NELL1: variants seen among roughly 807,000 people sequenced by gnomAD.
NELL1 encodes protein kinase C-binding protein NELL1.
A neutral mutation model predicts 107.4 loss-of-function variants in NELL1; 76 were observed. The ratio of observed to expected loss-of-function variants is 0.71; its 90% CI spans 0.59 to 0.86. The LOEUF (loss-of-function observed/expected upper bound fraction) is 0.86. NELL1 is among the 40% of genes least tolerant of loss of function. The pLI, the probability that NELL1 is intolerant of heterozygous loss-of-function variation, is 0.00. For synonymous variants in NELL1, 353 were observed against 341.2 expected (o/e 1.03, Z -0.38); for missense variants, 1,024 against 1,005.5 (o/e 1.02, Z -0.25).
chr11:20,771,766 A>C (rs1856645766), intron 2 of NELL1, among the ~76,000 whole-genome samples: 1 of 152,110 alleles, frequency 6.6e-6, no homozygotes, highest in East Asian at 1.9e-4. Flanking sequence ...TCTGTGTGCC[A>C]CAACTGTCTT....
intron 13 of NELL1, among the ~76,000 whole-genome samples, chr11:21,144,203 T>C (rs557884249): frequency 6.6e-6 from 1 of 152,248 alleles, no homozygotes; most frequent in Non-Finnish European, 1.5e-5. Flanking sequence ...TGCAATGTTA[T>C]TGTCTGCAGG....
chr11:21,050,382 A>G (rs1459260025), intron 12 of NELL1, among the ~76,000 whole-genome samples: 3 of 152,240 alleles, frequency 2.0e-5, no homozygotes, highest in Admixed American at 1.3e-4. Flanking sequence ...CATAAATTAT[A>G]TAAATGTAAT....
chr11:21,518,222 C>T (rs763325184), intron 15 of NELL1, among the ~76,000 whole-genome samples: 7 of 148,932 alleles, frequency 4.7e-5, no homozygotes, highest in Non-Finnish European at 7.4e-5. Flanking sequence ...CTTTTTTTTT[C>T]CAAAATAACT....
Position 20,937,782 on chromosome 11 carries a change from A to G in NELL1, c.998-4A>G. 1.9e-6 allele frequency: 3 copies of G among 1,613,630 alleles called. No individual in the cohort carries two copies. The highest frequency in any genetic ancestry group is 8.5e-7 in the Non-Finnish European group (1 of 1,179,560). ...GTCTGACCCATTTTTATGTTTTATT[A>G]CAGCAAAATGTATCTATGGAGGAAA... On this transcript the variant is annotated splice_region_variant and splice_polypyrimidine_tract_variant and intron_variant, in intron 9 of 19. Transcript: ENST00000357134.
chr11:21,127,866 C>T (rs1855521873), intron 13 of NELL1, among the ~76,000 whole-genome samples: 1 of 152,150 alleles, frequency 6.6e-6, no homozygotes, highest in East Asian at 1.9e-4. Flanking sequence ...AAAATATTCT[C>T]TCATATGGAC....
intron 3 of NELL1, among the ~76,000 whole-genome samples, chr11:20,812,833 C>A (rs369907585): frequency 6.7e-6 from 1 of 150,370 alleles, no homozygotes; most frequent in South Asian, 2.1e-4. Context: ...ACGGTGAAAC[C>A]CCGTCTGTAC....
chr11:21,193,149 C>T (rs758175094), intron 13 of NELL1, among the ~76,000 whole-genome samples: 5 of 151,590 alleles, frequency 3.3e-5, no homozygotes, highest in South Asian at 2.1e-4. Context: ...TACTAATATG[C>T]GAAAATCCAA....
rs183983003 is a variant in NELL1, at chr11:21,140,788, G to A, written c.1426+27074G>A. Among the ~76,000 whole-genome samples the A allele has an allele frequency of 3.6e-4, 55 of 152,178 alleles. 1 individual carries two copies. The highest frequency in any genetic ancestry group is 1.4e-3 in the Admixed American group (21 of 15,284). ...AGGTTTTAAAGTTAGGAAATTAATC[G>A]TCATCTAGCTGTCATCCTTATTTTA... On this transcript the variant is annotated intron_variant, in intron 13 of 19. Coordinates refer to ENST00000357134, the MANE Select transcript of NELL1 (RefSeq NM_006157.5).
Position 21,146,906 on chromosome 11 carries a change from C to T in NELL1, c.1426+33192C>T, listed in dbSNP as rs150854705. Among the ~76,000 whole-genome samples, 1,411 of 152,096 alleles carry T rather than the reference C, an allele frequency of 9.3e-3. 23 individuals carry two copies. Among genetic ancestry groups the T allele is most frequent in the African/African-American group, 0.032 (1,346 of 41,462 alleles). On this transcript the variant is annotated intron_variant, in intron 13 of 19. Transcript: ENST00000357134. ...TAAAAATACAAAAATTAGCTGTGTGCGGTGGCGTGTGACTGTAGTCCCAGC... is the reference window on the plus strand; with the variant it reads ...TAAAAATACAAAAATTAGCTGTGTGTGGTGGCGTGTGACTGTAGTCCCAGC...
intron 14 of NELL1, among the ~76,000 whole-genome samples, chr11:21,301,552 AGT>A (rs1464112138): frequency 1.3e-5 from 2 of 152,080 alleles, no homozygotes; most frequent in African/African-American, 4.8e-5. Flanking sequence ...TCTTTTGAGA[AGT>A]GTCTGTTCAT....
At chr11:21,452,122 G>T (rs1853602873) in intron 15 of NELL1, among the ~76,000 whole-genome samples, 1 of 152,134 alleles carries the variant, frequency 6.6e-6, no homozygotes, top group South Asian at 2.1e-4. Flanking sequence ...GAAAAGAAAA[G>T]AGAAGGAGAG....
At chr11:21,260,262 G>A (rs1489007246) in intron 14 of NELL1, 1 of 147,766 alleles carries the variant, frequency 6.8e-6, no homozygotes, top group African/African-American at 2.6e-5. Flanking sequence ...TAATAGGTAA[G>A]TGTTAGTTTT....
chr11:21,494,454 TTTA>T (rs1388571408), intron 15 of NELL1, among the ~76,000 whole-genome samples: 1 of 151,996 alleles, frequency 6.6e-6, no homozygotes, highest in Non-Finnish European at 1.5e-5. Flanking sequence ...GAATTGCATA[TTTA>T]TTATTCCTTC....
At chr11:21,272,466 T>C (rs1619492) in intron 14 of NELL1, among the ~76,000 whole-genome samples, 54,030 of 152,130 alleles carry the variant, frequency 0.36, 11,228 homozygotes, top group Non-Finnish European at 0.48. Context: ...CTGTAGACTC[T>C]ACCTCTAGGG....
intron 3 of NELL1, among the ~76,000 whole-genome samples, chr11:20,847,047 C>T (rs191619181): frequency 2.0e-4 from 31 of 152,272 alleles, no homozygotes; most frequent in Admixed American, 1.6e-3. Context: ...TAGCTTCAAC[C>T]TTTTCTCCCC....
At chr11:21,174,916 G>A (rs1003706432) in intron 13 of NELL1, among the ~76,000 whole-genome samples, 1 of 151,568 alleles carries the variant, frequency 6.6e-6, no homozygotes, top group African/African-American at 2.4e-5. Context: ...CATTCTTATT[G>A]ACATTCAATA....
intron 2 of NELL1, among the ~76,000 whole-genome samples, chr11:20,776,993 T>G (rs1856763752): frequency 6.6e-6 from 1 of 152,222 alleles, no homozygotes; most frequent in Non-Finnish European, 1.5e-5. Flanking sequence ...GTTCATTCAT[T>G]TATTCAATAA....
intron 13 of NELL1, among the ~76,000 whole-genome samples, chr11:21,132,798 G>A (rs1855654121): frequency 1.3e-5 from 2 of 152,088 alleles, no homozygotes; most frequent in Non-Finnish European, 2.9e-5. Context: ...GAGTGTTAGA[G>A]GGGGTTCAGT....
At position 21,088,062 on chromosome 11, in the gene NELL1, TG is replaced by T. The variant is rs1565052591; in HGVS notation, c.1301-25526del. Among the ~76,000 whole-genome samples, 189 of 63,026 alleles carry T rather than the reference TG, an allele frequency of 3.0e-3. 1 individual carries two copies. The highest frequency in any genetic ancestry group is 0.016 in the African/African-American group (180 of 11,146). The allele number at this position is 63,026 out of a possible 152,430, so 41.3% of individuals were successfully genotyped here. A position where few individuals can be genotyped will look rare whatever the true frequency, so the allele number is the denominator to read the frequency against. ...TTTTCTGTGAGTCCCAGTAGCTCTG[TG>T]TGTGTGTGTGTGTGTGTGTGTGTGT... is the stretch of plus-strand genomic sequence containing the variant. On this transcript the variant is annotated intron_variant, in intron 12 of 19. Transcript: ENST00000357134.
Sources: gnomAD v4.1 joint callset for allele counts (sites outside exome capture counted in the v4.1 genomes callset) on GRCh38, gnomAD v4.1.1 for gene constraint, MANE v1.5 for transcripts, NCBI Gene and HGNC (gene_info 2026-07-23, HGNC 2026-07-21) for gene names.